Variants in SH3PXD2B observed in about 807,000 individuals in gnomAD.
SH3PXD2B encodes the protein SH3 and PX domains 2B.
In SH3PXD2B, 37 loss-of-function variants were observed where a neutral mutation model predicts 73.1. The ratio of observed to expected loss-of-function variants is 0.51; its 90% confidence interval spans 0.39 to 0.67. The LOEUF (loss-of-function observed/expected upper bound fraction) is 0.67. Among genes scored for constraint, SH3PXD2B ranks in the 30% least tolerant of loss-of-function variants. SH3PXD2B has a pLI of 0.00. For missense variants in SH3PXD2B, 1,053 were observed against 1,197.8 expected (o/e 0.88, Z 1.78); for synonymous variants, 457 against 480.5 (o/e 0.95, Z 0.64).
chr5:172,348,615 A>AATCTATCTATCTATGT (rs147652696), intron 10 of SH3PXD2B, among the ~76,000 whole-genome samples: 22 of 140,662 alleles, frequency 1.6e-4, no homozygotes, highest in African/African-American at 6.7e-4. Context: ...TTAGCATCTG[A>AATCTATCTATCTATGT]ATCTATCTAT....
intron 1 of SH3PXD2B, among the ~76,000 whole-genome samples, chr5:172,429,137 C>T (rs756990798): frequency 1.3e-5 from 2 of 152,174 alleles, no homozygotes; most frequent in African/African-American, 2.4e-5. Context: ...ATCTAGGCTT[C>T]GTGAATAAAT....
At chr5:172,329,079 A>ATTTTT (rs1386540665), downstream of SH3PXD2B, among the ~76,000 whole-genome samples, 2,358 of 63,482 alleles carry the variant, frequency 0.037, 48 homozygotes, top group South Asian at 0.052. Flanking sequence ...ATATATATAT[A>ATTTTT]TATATTTTTT....
rs1757429475 is a variant in SH3PXD2B, at chr5:172,362,809, T to G, written c.488A>C (p.Tyr163Ser). 1 of 1,614,110 alleles carries G rather than the reference T, an allele frequency of 6.2e-7. No homozygotes were observed. Among genetic ancestry groups the G allele is most frequent in the Non-Finnish European group, 8.5e-7 (1 of 1,180,018 alleles). ...VLEQYVVVAN[Y>S]QKQESSEISL... The stretch of plus-strand genomic sequence containing the variant: ...GATCTCCGAACTCTCCTGCTTCTGG[T>G]AGTTGGCTACCACCACATACTGCTC... The change falls in exon 7 of 13, where the codon TAC (tyrosine) becomes TCC (serine). Residue 163 changes from tyrosine to serine, a missense_variant. Physicochemically the swap from Tyr to Ser is moderately radical, Grantham distance 144 (BLOSUM62 -2). Around this residue, in one of 2 missense-constraint regions of SH3PXD2B, gnomAD observed 466 missense variants for 607.1 expected, o/e 0.77. Transcript: ENST00000311601.
At chr5:172,412,199 C>CA (rs1163509947) in intron 2 of SH3PXD2B, among the ~76,000 whole-genome samples, 4 of 152,152 alleles carry the variant, frequency 2.6e-5, no homozygotes, top group Non-Finnish European at 4.4e-5. Context: ...TTAAGGTTGG[C>CA]AAAAAACCCC....
At chr5:172,447,604 G>A (rs918205511) in intron 1 of SH3PXD2B, among the ~76,000 whole-genome samples, 3 of 152,164 alleles carry the variant, frequency 2.0e-5, no homozygotes. Flanking sequence ...GGAAACTGAG[G>A]CACAGAGGCT....
intron 8 of SH3PXD2B, among the ~76,000 whole-genome samples, chr5:172,357,845 CTCCTCA>C (rs899117210): frequency 6.6e-5 from 10 of 152,196 alleles, no homozygotes; most frequent in African/African-American, 2.4e-4. Flanking sequence ...TTTCCCCCTT[CTCCTCA>C]TCCTCTTTTC....
chr5:172,337,412 G>A lies in SH3PXD2B; in HGVS notation c.*957C>T, dbSNP rs79360524. ...TGGTGTGTCCTTGGGCACATGGAGC[G>A]TGAATTTCCTCATCTATAAAGGGAG... On this transcript the variant is annotated 3_prime_UTR_variant, in exon 13 of 13. Coordinates refer to ENST00000311601, the MANE Select transcript of SH3PXD2B (RefSeq NM_001017995.3). The A allele has an allele frequency of 3.6e-4, 349 of 978,962 alleles. 2 individuals carry two copies. In the African/African-American group the frequency reaches 4.9e-3, roughly 14 times the overall value. The allele number at this position is 978,962 out of a possible 1,614,324, so 60.6% of individuals were successfully genotyped here.
chr5:172,387,636 CAA>C (rs930979945), intron 4 of SH3PXD2B, among the ~76,000 whole-genome samples: 2 of 152,140 alleles, frequency 1.3e-5, no homozygotes, highest in Admixed American at 6.5e-5. Flanking sequence ...ATCATTCATG[CAA>C]AGAGATGTCA....
chr5:172,349,091 C>T (rs1757094963), intron 10 of SH3PXD2B, among the ~76,000 whole-genome samples: 1 of 152,188 alleles, frequency 6.6e-6, no homozygotes, highest in African/African-American at 2.4e-5. Context: ...TACATCTAAC[C>T]TCTTGGCCAT....
chr5:172,339,497 C>T lies in SH3PXD2B; in HGVS notation c.1608G>A (p.Leu536=), dbSNP rs765637350. Reference sequence around the variant, plus strand: ...TCTGCCGCTCCCGCTCCCGCTCCAGCAGCTCCCCCTCCGACTTGATGATGG... The same window carrying T: ...TCTGCCGCTCCCGCTCCCGCTCCAGTAGCTCCCCCTCCGACTTGATGATGG... ...KESIIKSEGE[L]LERERERQRT... Residue 536 remains leucine, a synonymous_variant, in exon 13 of 13, where the codon CTG becomes CTA. Transcript: ENST00000311601. The surrounding 1 kb of genome is among the most constrained non-coding windows in gnomAD (Gnocchi z 6.1). The T allele has an allele frequency of 3.7e-6, 6 of 1,613,962 alleles. No individual in the cohort carries two copies. In the South Asian group the frequency reaches 6.6e-5, roughly 18 times the overall value.
chr5:172,332,007 T>A (rs1218867612), downstream of SH3PXD2B, among the ~76,000 whole-genome samples: 2 of 152,096 alleles, frequency 1.3e-5, no homozygotes, highest in East Asian at 3.9e-4. Context: ...CACTTCCAGG[T>A]GAGACCTGAA....
rs545998435 is a variant in SH3PXD2B at position 172,354,062 on chromosome 5, C to T, written c.668-57G>A. ...GAGGACACCAAGAGGCTTGGGATGC[C>T]GTAATCCCCGTGATGCCCTTGCCCG... On this transcript the variant is annotated intron_variant, in intron 8 of 12. Transcript: ENST00000311601. 1.3e-5 allele frequency: 20 copies of T among 1,492,946 alleles called. No individual in the cohort carries two copies. The East Asian group carries it at 1.6e-4, about 12-fold the overall frequency. 92.5% of individuals were successfully genotyped at this position (1,492,946 alleles called of 1,614,324 possible).
At chr5:172,450,174 GCA>G (rs1461044069) in intron 1 of SH3PXD2B, among the ~76,000 whole-genome samples, 1 of 152,032 alleles carries the variant, frequency 6.6e-6, no homozygotes, top group African/African-American at 2.4e-5. Context: ...TAAGTGAATT[GCA>G]CACTTACAAT....
chr5:172,437,461 G>A (rs754180664), intron 1 of SH3PXD2B, among the ~76,000 whole-genome samples: 27 of 152,132 alleles, frequency 1.8e-4, no homozygotes, highest in Non-Finnish European at 2.4e-4. Context: ...GCCATGCTGC[G>A]CCTGAGGTCG....
intron 12 of SH3PXD2B, among the ~76,000 whole-genome samples, chr5:172,341,631 A>G (rs1022402991): frequency 6.6e-6 from 1 of 152,106 alleles, no homozygotes; most frequent in Non-Finnish European, 1.5e-5. Context: ...TTTCTTTATA[A>G]ATTACCCAGT....
chr5:172,381,216 C>A (rs2113370914), intron 5 of SH3PXD2B, among the ~76,000 whole-genome samples: 1 of 152,344 alleles, frequency 6.6e-6, no homozygotes, highest in African/African-American at 2.4e-5. Context: ...AGAGCAGCAG[C>A]ATCTACTTCT....
chr5:172,419,100 C>T (rs1355943149), intron 2 of SH3PXD2B, among the ~76,000 whole-genome samples: 2 of 152,136 alleles, frequency 1.3e-5, no homozygotes, highest in East Asian at 1.9e-4. Context: ...GATGAGGAGG[C>T]TGAGGCTCAG....
At chr5:172,418,288 C>G (rs1409107004) in intron 2 of SH3PXD2B, among the ~76,000 whole-genome samples, 1 of 152,188 alleles carries the variant, frequency 6.6e-6, no homozygotes, top group East Asian at 1.9e-4. Flanking sequence ...ATTCAGTGTT[C>G]CAGAAATGCC....
In SH3PXD2B at chr5:172,421,604, G is replaced by C. The variant is rs1438624392; in HGVS notation, c.156+812C>G. Among the ~76,000 whole-genome samples the C allele has an allele frequency of 6.6e-6, 1 of 152,178 alleles. No homozygotes were observed. Among genetic ancestry groups the C allele is most frequent in the Non-Finnish European group, 1.5e-5 (1 of 68,044 alleles). Reference sequence around the variant, plus strand: ...CAGAATGGGTGGCCCTCGCTGGCCAGGGAACAAAGGCAAGGTTTCCTAGGG... The same window carrying C: ...CAGAATGGGTGGCCCTCGCTGGCCACGGAACAAAGGCAAGGTTTCCTAGGG... On this transcript the variant is annotated intron_variant, in intron 2 of 12. Coordinates refer to ENST00000311601, the MANE Select transcript of SH3PXD2B (RefSeq NM_001017995.3). The surrounding 1 kb of genome is among the most constrained non-coding windows in gnomAD (Gnocchi z 4.0).
Sources: allele counts gnomAD v4.1 joint callset (sites outside exome capture counted in the v4.1 genomes callset), GRCh38; gene constraint gnomAD v4.1.1; regional missense constraint gnomAD v4.1.1; non-coding constraint Gnocchi (gnomAD v3.1); transcripts MANE v1.5; gene names NCBI Gene and HGNC (gene_info 2026-07-23, HGNC 2026-07-21).